ZDHHC14: variants seen among roughly 807,000 people sequenced by gnomAD.
ZDHHC14 encodes zDHHC palmitoyltransferase 14, also known as palmitoyltransferase ZDHHC14.
ZDHHC14 carries 16 observed loss-of-function variants against 47.7 expected under a neutral mutation model. The ratio of observed to expected loss-of-function variants is 0.34; its 90% CI spans 0.23 to 0.51. The LOEUF is 0.51. Among genes scored for constraint, ZDHHC14 ranks in the 20% least tolerant of loss-of-function variants. The pLI, the probability that ZDHHC14 is intolerant of heterozygous loss-of-function variation, is 0.97. For synonymous variants in ZDHHC14, 293 were observed against 278.9 expected (o/e 1.05, Z -0.50); for missense variants, 515 against 662.5 (o/e 0.78, Z 2.44).
At chr6:157,487,193 T>C (rs1005172315) in intron 1 of ZDHHC14, among the ~76,000 whole-genome samples, 2 of 151,942 alleles carry the variant, frequency 1.3e-5, no homozygotes, top group African/African-American at 4.8e-5. Context: ...TTGCCGGGAG[T>C]GTGAGTATCA....
chr6:157,514,277 C>T (rs1780599245), intron 1 of ZDHHC14, among the ~76,000 whole-genome samples: 1 of 152,180 alleles, frequency 6.6e-6, no homozygotes, highest in Non-Finnish European at 1.5e-5. Context: ...CACGGCCATG[C>T]GGCCCACACT....
intron 1 of ZDHHC14, among the ~76,000 whole-genome samples, chr6:157,446,885 G>A (rs1390869700): frequency 1.3e-5 from 2 of 152,000 alleles, no homozygotes; most frequent in East Asian, 1.9e-4. Context: ...TTGGGAGGCC[G>A]AGGCAGGCGG....
intron 1 of ZDHHC14, among the ~76,000 whole-genome samples, chr6:157,514,256 A>G (rs763910257): frequency 6.6e-6 from 1 of 152,204 alleles, no homozygotes; most frequent in Non-Finnish European, 1.5e-5. Flanking sequence ...TAAACAACCG[A>G]CAAGCCAGCT....
chr6:157,409,143 T>A (rs1777823674), intron 1 of ZDHHC14, among the ~76,000 whole-genome samples: 1 of 152,228 alleles, frequency 6.6e-6, no homozygotes, highest in Non-Finnish European at 1.5e-5. Flanking sequence ...GAGTCTGTCT[T>A]GTACTTCATG....
At position 157,473,875 on chromosome 6, in the gene ZDHHC14, G is replaced by A. The variant is rs148545679; in HGVS notation, c.246-68710G>A. Among the ~76,000 whole-genome samples the A allele has an allele frequency of 3.4e-4, 52 of 151,808 alleles. No individual in the cohort carries two copies. In the East Asian group the frequency reaches 9.6e-3, roughly 28 times the overall value. ...TAGACTTGTGTTCCATCTCCAAGAT[G>A]CCTCATTATCTATATGCAAATATCC... On this transcript the variant is annotated intron_variant, in intron 1 of 8. Transcript: ENST00000359775.
At chr6:157,456,666 C>A (rs1433483076) in intron 1 of ZDHHC14, among the ~76,000 whole-genome samples, 3 of 152,198 alleles carry the variant, frequency 2.0e-5, no homozygotes, top group African/African-American at 7.2e-5. Flanking sequence ...TCAGCCTGAT[C>A]TTTCAGTCAG....
chr6:157,651,277 G>T (rs1202248139), intron 7 of ZDHHC14, among the ~76,000 whole-genome samples: 1 of 152,244 alleles, frequency 6.6e-6, no homozygotes, highest in Non-Finnish European at 1.5e-5. Flanking sequence ...GGGGCCATCA[G>T]CCCTCCACGT....
intron 1 of ZDHHC14, among the ~76,000 whole-genome samples, chr6:157,410,078 G>A (rs940955875): frequency 2.6e-5 from 4 of 152,060 alleles, no homozygotes; most frequent in South Asian, 2.1e-4. Context: ...TGATCTGCCC[G>A]CGCTGGCAGC....
chr6:157,547,844 A>G (rs1285205134), intron 2 of ZDHHC14, among the ~76,000 whole-genome samples: 1 of 148,924 alleles, frequency 6.7e-6, no homozygotes, highest in Non-Finnish European at 1.5e-5. Context: ...TTTTTTTGTG[A>G]TTTGATTTTT....
intron 1 of ZDHHC14, among the ~76,000 whole-genome samples, chr6:157,428,015 C>G (rs1303596156): frequency 6.6e-6 from 1 of 151,896 alleles, no homozygotes; most frequent in Non-Finnish European, 1.5e-5. Flanking sequence ...GAATAGGGAT[C>G]GTGAATAGAG....
chr6:157,439,500 C>G (rs1778519896), intron 1 of ZDHHC14, among the ~76,000 whole-genome samples: 1 of 152,108 alleles, frequency 6.6e-6, no homozygotes, highest in Admixed American at 6.5e-5. Context: ...ATTAAAAAGT[C>G]AAGAAACAAC....
At chr6:157,523,647 A>G (rs1781042803) in intron 1 of ZDHHC14, among the ~76,000 whole-genome samples, 1 of 151,966 alleles carries the variant, frequency 6.6e-6, no homozygotes, top group African/African-American at 2.4e-5. Context: ...TGTATTTCCA[A>G]CACTTTGGGT....
chr6:157,499,138 T>C (rs1780136962), intron 1 of ZDHHC14, among the ~76,000 whole-genome samples: 1 of 152,196 alleles, frequency 6.6e-6, no homozygotes, highest in South Asian at 2.1e-4. Flanking sequence ...TAGCTAAACT[T>C]CCACTGGGGA....
chr6:157,462,353 C>T (rs1436930387), intron 1 of ZDHHC14, among the ~76,000 whole-genome samples: 1 of 152,178 alleles, frequency 6.6e-6, no homozygotes, highest in South Asian at 2.1e-4. Flanking sequence ...CTAACTGGAG[C>T]GATGAGTGCC....
intron 5 of ZDHHC14, among the ~76,000 whole-genome samples, chr6:157,643,420 G>A (rs1279326604): frequency 3.3e-5 from 5 of 151,872 alleles, no homozygotes; most frequent in Non-Finnish European, 7.4e-5. Context: ...CAGCACTTTG[G>A]GAGGATCACC....
chr6:157,621,113 T>G (rs1425656795), intron 3 of ZDHHC14, among the ~76,000 whole-genome samples: 2 of 152,130 alleles, frequency 1.3e-5, no homozygotes, highest in African/African-American at 2.4e-5. Flanking sequence ...ATAACTTAGA[T>G]CTTACCAAAA....
At chr6:157,645,102 A>G (rs573245683) in intron 5 of ZDHHC14, among the ~76,000 whole-genome samples, 40 of 152,078 alleles carry the variant, frequency 2.6e-4, no homozygotes, top group Non-Finnish European at 5.1e-4. Context: ...AAACTCCCCC[A>G]GGTAAAAATA....
At chr6:157,465,105 C>CTTTTTTTTTTTTTTTTTTTTTTTTTTTT (rs772080368) in intron 1 of ZDHHC14, among the ~76,000 whole-genome samples, 3 of 102,008 alleles carry the variant, frequency 2.9e-5, no homozygotes, top group Admixed American at 1.1e-4. Flanking sequence ...TCTCTTTCTC[C>CTTTTTTTTTTTTTTTTTTTTTTTTTTTT]TTTTTTTTTT....
At position 157,666,688 on chromosome 6, in the gene ZDHHC14, C is replaced by T. The variant is rs564486488; in HGVS notation, c.1069-6036C>T. Among the ~76,000 whole-genome samples the T allele has an allele frequency of 1.8e-4, 27 of 152,258 alleles. 1 individual carries two copies. The South Asian group carries it at 4.6e-3, about 26-fold the overall frequency. ...TTGTACACAGACCATCTAGAAAGCT[C>T]CTAGTTTTGCTTTTAGTAGCATCTG... On this transcript the variant is annotated intron_variant, in intron 8 of 8. Coordinates refer to ENST00000359775, the MANE Select transcript of ZDHHC14 (RefSeq NM_024630.3).
Sources: allele counts gnomAD v4.1 joint callset (sites outside exome capture counted in the v4.1 genomes callset), GRCh38; gene constraint gnomAD v4.1.1; transcripts MANE v1.5; gene names NCBI Gene and HGNC (gene_info 2026-07-23, HGNC 2026-07-21).